Variants in EHD4 observed in about 807,000 individuals in gnomAD.
EHD4 encodes EH domain-containing protein 4.
EHD4 carries 37 observed loss-of-function variants against 51.0 expected under a neutral mutation model. That is an observed-to-expected ratio of 0.73 (90% CI 0.56 to 0.95). EHD4 has a LOEUF of 0.95. Ranked by LOEUF, EHD4 falls within the 40% of genes least tolerant of loss-of-function variation. The pLI is 0.00. For missense variants in EHD4, 632 were observed against 733.1 expected, an observed-to-expected ratio of 0.86 and a Z score of 1.59; for synonymous variants, 297 against 317.3, an observed-to-expected ratio of 0.94 and a Z score of 0.68.
chr15:41,934,556 T>C lies in EHD4; in HGVS notation c.511+8511A>G, dbSNP rs529156014. 3.3e-5 allele frequency among the ~76,000 whole-genome samples: 5 copies of C among 152,204 alleles called. No homozygotes were observed. In the East Asian group the frequency reaches 9.7e-4, roughly 29 times the overall value. On this transcript the variant is annotated intron_variant, in intron 3 of 5. Coordinates refer to ENST00000220325, the MANE Select transcript of EHD4 (RefSeq NM_139265.4). Reference sequence around the variant, plus strand: ...GTCTGGAACTCCTGCCCTCAAGTGATCCTCTCGACTCAGCCTCAAGTTCTA... The same window carrying C: ...GTCTGGAACTCCTGCCCTCAAGTGACCCTCTCGACTCAGCCTCAAGTTCTA...
chr15:41,959,115 G>A (rs1284789337), intron 1 of EHD4, among the ~76,000 whole-genome samples: 1 of 152,070 alleles, frequency 6.6e-6, no homozygotes, highest in Non-Finnish European at 1.5e-5. Flanking sequence ...TGTGTGGGCT[G>A]GGCGTGGTGG....
At chr15:41,955,661 T>G (rs954195670) in intron 1 of EHD4, among the ~76,000 whole-genome samples, 1 of 152,252 alleles carries the variant, frequency 6.6e-6, no homozygotes, top group African/African-American at 2.4e-5. Context: ...AAAACCTCTG[T>G]ATCCCTAATA....
chr15:41,950,404 G>C (rs1363816277), intron 2 of EHD4, among the ~76,000 whole-genome samples: 2 of 152,238 alleles, frequency 1.3e-5, no homozygotes, highest in African/African-American at 4.8e-5. Context: ...CTGCTTGGGA[G>C]AGAAAGTTCT....
chr15:41,909,752 G>T lies in EHD4; in HGVS notation c.1036C>A (p.Gln346Lys), dbSNP rs1424474835. The stretch of plus-strand genomic sequence containing the variant: ...CCTGCAGAAATCTGGTATTCTCGCT[G>T]TAGCTGAATGTAGATTTCCGGTAGC... ...SRLPEIYIQL[Q>K]REYQISAGDF... is the part of the protein sequence containing the mutation. Residue 346 changes from glutamine to lysine, a missense_variant, in exon 5 of 6, where the codon CAG becomes AAG. Physicochemically the swap from Gln to Lys is moderately conservative, Grantham distance 53 (BLOSUM62 1). Transcript: ENST00000220325. 1.2e-6 allele frequency: 2 copies of T among 1,614,194 alleles called. No homozygotes were observed. Among genetic ancestry groups the T allele is most frequent in the East Asian group, 2.2e-5 (1 of 44,882 alleles).
Position 41,953,832 on chromosome 15 carries a change from A to G in EHD4, c.345T>C (p.Asn115=). 1 of 1,614,006 alleles carries G rather than the reference A, an allele frequency of 6.2e-7. No homozygotes were observed. The highest frequency in any genetic ancestry group is 8.5e-7 in the Non-Finnish European group (1 of 1,179,974). ...YGETEGSTPG[N]ALVVDPKKPF... ...GCTTTTTGGGGTCCACGACTAAAGC[A>G]TTCCCTGGGGTGCTGCCCTCAGTCT... Residue 115 remains asparagine, a synonymous_variant, in exon 2 of 6, where the codon AAT becomes AAC. Transcript: ENST00000220325.
chr15:41,937,677 T>G (rs910335287), intron 3 of EHD4, among the ~76,000 whole-genome samples: 2 of 152,238 alleles, frequency 1.3e-5, no homozygotes, highest in Non-Finnish European at 2.9e-5. Context: ...CTCTAAGTGT[T>G]CTCTCTCCTT....
Position 41,953,917 on chromosome 15 carries a change from G to C in EHD4, c.260C>G (p.Pro87Arg). ...GGGCTCCGGACCAATCCTCATGCCTGGGAAATCCTGCTCCAGTAGGTATCT... is the reference window on the plus strand; with the variant it reads ...GGGCTCCGGACCAATCCTCATGCCTCGGAAATCCTGCTCCAGTAGGTATCT... Reference protein sequence around the residue: ...FIRYLLEQDFPGMRIGPEPTT... With the variant: ...FIRYLLEQDFRGMRIGPEPTT... Residue 87 changes from proline to arginine, a missense_variant, in exon 2 of 6, where the codon CCA becomes CGA. Coordinates refer to ENST00000220325, the MANE Select transcript of EHD4 (RefSeq NM_139265.4). The C allele has an allele frequency of 6.2e-7, 1 of 1,612,760 alleles. No individual in the cohort carries two copies. Among genetic ancestry groups the C allele is most frequent in the East Asian group, 2.2e-5 (1 of 44,814 alleles).
rs780075804 is a variant in EHD4, at chr15:41,896,912, C to T, written c.*3733G>A. On this transcript the variant is annotated 3_prime_UTR_variant, in exon 6 of 6. Coordinates refer to ENST00000220325, the MANE Select transcript of EHD4 (RefSeq NM_139265.4). The stretch of plus-strand genomic sequence containing the variant: ...CAGGAAGAGTTGGGGCTCACAGGCA[C>T]ACCCTCTCCCTAACTCTTCTCCCCC... 3.9e-5 allele frequency: 6 copies of T among 152,162 alleles called. No homozygotes were observed. In the East Asian group the frequency reaches 1.2e-3, roughly 29 times the overall value. The allele number at this position is 152,162 out of a possible 1,614,324, so 9.4% of individuals were successfully genotyped here.
chr15:41,932,232 G>A (rs1259760398), intron 3 of EHD4, among the ~76,000 whole-genome samples: 2 of 152,182 alleles, frequency 1.3e-5, no homozygotes, highest in African/African-American at 4.8e-5. Context: ...CAAGCTCCAA[G>A]ATTTACTATA....
intron 1 of EHD4, among the ~76,000 whole-genome samples, chr15:41,964,423 C>T (rs187535523): frequency 9.2e-5 from 14 of 151,868 alleles, no homozygotes; most frequent in Admixed American, 3.3e-4. Flanking sequence ...GACAGCACAG[C>T]GAGATCCCAA....
At position 41,901,719 on chromosome 15, in the gene EHD4, T is replaced by G. The variant is rs149467582; in HGVS notation, c.1090-538A>C. On this transcript the variant is annotated intron_variant, in intron 5 of 5. Transcript: ENST00000220325. ...ATAAAACAACTAATTAAATACCTTG[T>G]TTTCGGAACACGTAAAAAAATGTAG... Among the ~76,000 whole-genome samples, 7 of 152,240 alleles carry G rather than the reference T, an allele frequency of 4.6e-5. No homozygotes were observed. The East Asian group carries it at 1.2e-3, about 25-fold the overall frequency.
chr15:41,904,318 G>C (rs1054008963), intron 5 of EHD4, among the ~76,000 whole-genome samples: 1 of 152,126 alleles, frequency 6.6e-6, no homozygotes, highest in Non-Finnish European at 1.5e-5. Flanking sequence ...TCCTGTCCTG[G>C]GAGGCAGGCA....
At chr15:41,938,016 C>T (rs2038452599) in intron 3 of EHD4, among the ~76,000 whole-genome samples, 1 of 152,184 alleles carries the variant, frequency 6.6e-6, no homozygotes, top group Non-Finnish European at 1.5e-5. Context: ...TTCATAGACA[C>T]CATACACAGA....
intron 3 of EHD4, among the ~76,000 whole-genome samples, chr15:41,920,130 A>G (rs1456085679): frequency 2.0e-5 from 3 of 152,272 alleles, no homozygotes; most frequent in African/African-American, 7.2e-5. Flanking sequence ...CCAAGTTTGT[A>G]GAGTGCTGAG....
intron 1 of EHD4, among the ~76,000 whole-genome samples, chr15:41,968,036 G>C (rs920376919): frequency 4.6e-5 from 7 of 152,182 alleles, no homozygotes; most frequent in African/African-American, 1.7e-4. Context: ...GGAGGAAGCT[G>C]AGTAGTTCTG....
In EHD4 at chr15:41,919,562, A is replaced by G. The variant is rs762500242; in HGVS notation, c.572T>C (p.Leu191Pro). The change falls in exon 4 of 6, where the codon CTC (leucine) becomes CCC (proline). Residue 191 changes from leucine to proline, a missense_variant. Coordinates refer to ENST00000220325, the MANE Select transcript of EHD4 (RefSeq NM_139265.4). ...FAERVDRIIL[L>P]FDAHKLDISD... ...GATGTCCAGCTTGTGAGCGTCAAAG[A>G]GCAGGATGATCCTGTCCACCCTCTC... The G allele has an allele frequency of 2.7e-5, 41 of 1,527,282 alleles. No individual in the cohort carries two copies. Among genetic ancestry groups the G allele is most frequent in the Non-Finnish European group, 3.2e-5 (36 of 1,140,284 alleles). The allele number at this position is 1,527,282 out of a possible 1,614,324, so 94.6% of individuals were successfully genotyped here. A position where few individuals can be genotyped will look rare whatever the true frequency, so the allele number is the denominator to read the frequency against.
intron 4 of EHD4, among the ~76,000 whole-genome samples, chr15:41,918,217 T>TACACACACACACACACACAC (rs10682608): frequency 1.2e-4 from 18 of 147,288 alleles, no homozygotes; most frequent in African/African-American, 4.0e-4. Context: ...CAGGGAGCTT[T>TACACACACACACACACACAC]ACACACACAC....
In EHD4 at chr15:41,899,122, C is replaced by T. The variant is rs2067458976; in HGVS notation, c.*1523G>A. 1 of 152,120 alleles carries T rather than the reference C, an allele frequency of 6.6e-6. No individual in the cohort carries two copies. The allele number at this position is 152,120 out of a possible 1,614,324, so 9.4% of individuals were successfully genotyped here. A position where few individuals can be genotyped will look rare whatever the true frequency, so the allele number is the denominator to read the frequency against. On this transcript the variant is annotated 3_prime_UTR_variant, in exon 6 of 6. Coordinates refer to ENST00000220325, the MANE Select transcript of EHD4 (RefSeq NM_139265.4). The stretch of plus-strand genomic sequence containing the variant: ...TCAGTGGGACGGTTCTGATTTCATT[C>T]ACTTCTGGTGCCAGCAGGCCCCCAT...
In EHD4 at chr15:41,898,395, T is replaced by C. The variant is rs906033343; in HGVS notation, c.*2250A>G. 1.3e-5 allele frequency: 2 copies of C among 152,242 alleles called. No individual in the cohort carries two copies. The highest frequency in any genetic ancestry group is 2.9e-5 in the Non-Finnish European group (2 of 68,052). The allele number at this position is 152,242 out of a possible 1,614,324, so 9.4% of individuals were successfully genotyped here. On this transcript the variant is annotated 3_prime_UTR_variant, in exon 6 of 6. Transcript: ENST00000220325. Reference sequence around the variant, plus strand: ...TGTGACACACATGTATATAAATTCATGTTTATATATGACAATTGAGGAGAG... The same window carrying C: ...TGTGACACACATGTATATAAATTCACGTTTATATATGACAATTGAGGAGAG...
Sources: allele counts gnomAD v4.1 joint callset (sites outside exome capture counted in the v4.1 genomes callset), GRCh38; gene constraint gnomAD v4.1.1; transcripts MANE v1.5; gene names NCBI Gene and HGNC (gene_info 2026-07-23, HGNC 2026-07-21).